Variants in DCLK1 observed in about 807,000 individuals in gnomAD.
DCLK1 encodes doublecortin like kinase 1.
A neutral mutation model predicts 86.2 loss-of-function variants in DCLK1; 16 were observed. The observed-to-expected ratio is 0.19, with a 90% CI of 0.13 to 0.28. The LOEUF is 0.28. DCLK1 is among the 10% of genes least tolerant of loss of function. The probability of loss-of-function intolerance (pLI) is 1.00; values close to 1 mark genes in which losing one functional copy is unlikely to be tolerated. For synonymous variants in DCLK1, 369 were observed against 370.5 expected (o/e 1.00, Z 0.05); for missense variants, 590 against 940.2 (o/e 0.63, Z 4.87).
intron 3 of DCLK1, among the ~76,000 whole-genome samples, chr13:36,031,985 G>A (rs1446323209): frequency 6.6e-6 from 1 of 152,202 alleles, no homozygotes; most frequent in Non-Finnish European, 1.5e-5. Context: ...AAGGGGACAG[G>A]TCTGTGGGGC....
At chr13:36,103,041 GCA>G (rs762885280) in intron 3 of DCLK1, among the ~76,000 whole-genome samples, 2 of 152,190 alleles carry the variant, frequency 1.3e-5, no homozygotes, top group East Asian at 1.9e-4. Context: ...GAGCCAAACT[GCA>G]CACAGAGTGG....
intron 3 of DCLK1, among the ~76,000 whole-genome samples, chr13:35,992,185 T>C (rs10507438): frequency 1.3e-5 from 2 of 151,932 alleles, no homozygotes; most frequent in East Asian, 3.9e-4. Flanking sequence ...AATCTCAATT[T>C]TTAACAGGTT....
chr13:35,871,354 A>G lies in DCLK1; in HGVS notation c.824-14T>C. The G allele has an allele frequency of 6.2e-7, 1 of 1,601,272 alleles. No homozygotes were observed. The highest frequency in any genetic ancestry group is 8.6e-7 in the Non-Finnish European group (1 of 1,168,632). ...CCACTCGACATTCTGGGGAAAGAAC[A>G]AAAACCACACATCATTATGGGGTAA... On this transcript the variant is annotated splice_polypyrimidine_tract_variant and intron_variant, in intron 4 of 16. Transcript: ENST00000360631.
At chr13:36,114,808 T>C (rs532999899) in intron 2 of DCLK1, among the ~76,000 whole-genome samples, 2 of 152,358 alleles carry the variant, frequency 1.3e-5, no homozygotes, top group South Asian at 2.1e-4. Context: ...TCGATTATTA[T>C]AAATTAACAA....
intron 4 of DCLK1, among the ~76,000 whole-genome samples, chr13:35,896,661 T>C (rs1358428873): frequency 6.6e-6 from 1 of 151,190 alleles, no homozygotes; most frequent in African/African-American, 2.4e-5. Context: ...AGGCATCCAG[T>C]AAAGCTCCAC....
chr13:35,847,577 T>G, intron 6 of DCLK1: 1 of 948,610 alleles, frequency 1.1e-6, no homozygotes, highest in Non-Finnish European at 1.2e-6. Context: ...TTCATTCACT[T>G]TCATTAAGAA....
At chr13:35,830,176 A>G (rs1379058691) in intron 8 of DCLK1, among the ~76,000 whole-genome samples, 2 of 152,180 alleles carry the variant, frequency 1.3e-5, no homozygotes, top group East Asian at 3.9e-4. Flanking sequence ...ACTTGAGGTC[A>G]GGAGTTCGAG....
intron 4 of DCLK1, among the ~76,000 whole-genome samples, chr13:35,909,912 C>T (rs772587376): frequency 1.3e-5 from 2 of 152,156 alleles, no homozygotes; most frequent in Non-Finnish European, 2.9e-5. Flanking sequence ...CTTGCTTCTA[C>T]AGCTCCATCT....
chr13:35,782,791 C>T (rs2086551569), intron 16 of DCLK1, among the ~76,000 whole-genome samples: 1 of 152,200 alleles, frequency 6.6e-6, no homozygotes, highest in Admixed American at 6.5e-5. Context: ...TGCATTTGTA[C>T]AGATGGTGCC....
intron 11 of DCLK1, among the ~76,000 whole-genome samples, chr13:35,821,183 A>T (rs1451740775): frequency 6.6e-6 from 1 of 152,200 alleles, no homozygotes; most frequent in Non-Finnish European, 1.5e-5. Flanking sequence ...TATGAAATGA[A>T]ACAGTAATAG....
At chr13:35,870,320 G>A (rs1872175475) in intron 5 of DCLK1, among the ~76,000 whole-genome samples, 1 of 152,122 alleles carries the variant, frequency 6.6e-6, no homozygotes, top group South Asian at 2.1e-4. Context: ...AGGGCTGGGT[G>A]GTCTAGCTGG....
At chr13:36,107,367 G>A (rs1593896453) in intron 3 of DCLK1, among the ~76,000 whole-genome samples, 1 of 121,642 alleles carries the variant, frequency 8.2e-6, no homozygotes, top group Non-Finnish European at 1.6e-5. Flanking sequence ...TTTTTGAGAC[G>A]GGGTCTCACT....
intron 13 of DCLK1, among the ~76,000 whole-genome samples, chr13:35,808,666 C>T (rs1353821131): frequency 1.3e-5 from 2 of 152,026 alleles, no homozygotes; most frequent in African/African-American, 4.8e-5. Context: ...GCCTGTGATC[C>T]CAGCTATTCA....
chr13:36,014,475 A>C (rs1881450083), intron 3 of DCLK1, among the ~76,000 whole-genome samples: 1 of 152,184 alleles, frequency 6.6e-6, no homozygotes, highest in Non-Finnish European at 1.5e-5. Flanking sequence ...CATACCTAAA[A>C]TGCTTACAAC....
chr13:36,060,347 G>T (rs1883495123), intron 3 of DCLK1, among the ~76,000 whole-genome samples: 1 of 151,926 alleles, frequency 6.6e-6, no homozygotes, highest in African/African-American at 2.4e-5. Flanking sequence ...ATAGCTGATT[G>T]TCTGTCTTTC....
At chr13:35,962,968 C>A (rs1878537325) in intron 3 of DCLK1, among the ~76,000 whole-genome samples, 1 of 152,090 alleles carries the variant, frequency 6.6e-6, no homozygotes, top group Non-Finnish European at 1.5e-5. Flanking sequence ...GAAGAGTGAA[C>A]TAAGAATAGG....
At chr13:35,821,188 T>C (rs1210171441) in intron 11 of DCLK1, among the ~76,000 whole-genome samples, 1 of 152,152 alleles carries the variant, frequency 6.6e-6, no homozygotes, top group East Asian at 1.9e-4. Context: ...AATGAAACAG[T>C]AATAGAACTT....
intron 3 of DCLK1, among the ~76,000 whole-genome samples, chr13:36,062,765 G>A (rs1883600461): frequency 6.6e-6 from 1 of 152,118 alleles, no homozygotes; most frequent in African/African-American, 2.4e-5. Flanking sequence ...GCGTCATTGT[G>A]GAAACTTCTT....
chr13:36,071,810 C>T (rs949630490), intron 3 of DCLK1, among the ~76,000 whole-genome samples: 18 of 152,142 alleles, frequency 1.2e-4, no homozygotes, highest in African/African-American at 4.3e-4. Context: ...TACCACTAGA[C>T]TATATTGCTT....
Sources: allele counts gnomAD v4.1 joint callset (sites outside exome capture counted in the v4.1 genomes callset), GRCh38; gene constraint gnomAD v4.1.1; transcripts MANE v1.5; gene names NCBI Gene and HGNC (gene_info 2026-07-23, HGNC 2026-07-21).